PTPRO: variants seen among roughly 807,000 people sequenced by gnomAD.
PTPRO encodes protein tyrosine phosphatase receptor type O.
In PTPRO, 62 loss-of-function variants were observed where a neutral mutation model predicts 145.2. That is an observed-to-expected ratio of 0.43 (90% CI 0.35 to 0.53). PTPRO has a LOEUF of 0.53. Ranked by LOEUF, PTPRO falls within the 20% of genes least tolerant of loss-of-function variation. The probability of loss-of-function intolerance (pLI) is 0.01; values close to 1 mark genes in which losing one functional copy is unlikely to be tolerated. For synonymous variants in PTPRO, 565 were observed against 514.7 expected, an observed-to-expected ratio of 1.10 and a Z score of -1.32; for missense variants, 1,345 against 1,482.7, an observed-to-expected ratio of 0.91 and a Z score of 1.53.
chr12:15,484,062 T>C lies in PTPRO; in HGVS notation c.164T>C (p.Val55Ala), dbSNP rs778585840. ...TCAGACGTCATCAGTCCAGCATCTG[T>C]GTATGTTGTGAAGATAACTGGTGAA... Reference protein sequence around the residue: ...EASDVISPASVYVVKITGESK... With the variant: ...EASDVISPASAYVVKITGESK... The change falls in exon 2 of 27, where the codon GTG becomes GCG. Residue 55 changes from valine to alanine, a missense_variant. Transcript: ENST00000281171. 1.2e-6 allele frequency: 2 copies of C among 1,613,836 alleles called. No homozygotes were observed. Among genetic ancestry groups the C allele is most frequent in the Admixed American group, 3.3e-5 (2 of 59,978 alleles).
chr12:15,421,844 T>C (rs1183785517), intron 1 of PTPRO, among the ~76,000 whole-genome samples: 1 of 152,202 alleles, frequency 6.6e-6, no homozygotes, highest in African/African-American at 2.4e-5. Context: ...CTGTGTGATC[T>C]TGGGCAAGTT....
Position 15,360,892 on chromosome 12 carries a change from G to GCACACA in PTPRO, c.75+38091_75+38092insCACACA, listed in dbSNP as rs1565585737. On this transcript the variant is annotated intron_variant, in intron 1 of 26. Coordinates refer to ENST00000281171, the MANE Select transcript of PTPRO (RefSeq NM_030667.3). ...TGTGTATATACACACATACACATGT[G>GCACACA]TATATACACACACATATATACACAC... Among the ~76,000 whole-genome samples the GCACACA allele has an allele frequency of 9.4e-5, 12 of 127,460 alleles. No individual in the cohort carries two copies. In the East Asian group the frequency reaches 2.7e-3, roughly 29 times the overall value. The allele number at this position is 127,460 out of a possible 152,430, so 83.6% of individuals were successfully genotyped here.
intron 19 of PTPRO, among the ~76,000 whole-genome samples, chr12:15,577,566 C>G (rs1290192957): frequency 6.6e-6 from 1 of 152,138 alleles, no homozygotes; most frequent in Non-Finnish European, 1.5e-5. Context: ...GCTTTGATTC[C>G]TTGAAGTAAT....
chr12:15,516,835 C>T lies in PTPRO; in HGVS notation c.1658C>T (p.Pro553Leu), dbSNP rs1245101906. 1.2e-6 allele frequency: 2 copies of T among 1,612,176 alleles called. No individual in the cohort carries two copies. The highest frequency in any genetic ancestry group is 1.7e-6 in the Non-Finnish European group (2 of 1,178,340). The part of the protein sequence containing the change: ...PTAVVLSWTR[P>L]YLGVFRKYVV... ...GCCGTGGTTCTGAGCTGGACCAGAC[C>T]TTATTTAGGCGTGTTCAGAAAATAC... Residue 553 changes from proline (P) to leucine (L), a missense_variant, in exon 9 of 27, where the codon CCT (proline) becomes CTT (leucine). Physicochemically the swap from Pro to Leu is moderately conservative, Grantham distance 98. Transcript: ENST00000281171.
In PTPRO at chr12:15,596,556, G is replaced by C. The variant is rs1430806721; in HGVS notation, c.*483G>C. 1.3e-5 allele frequency: 2 copies of C among 152,574 alleles called. No individual in the cohort carries two copies. The highest frequency in any genetic ancestry group is 4.8e-5 in the African/African-American group (2 of 41,432). 9.5% of individuals were successfully genotyped at this position (152,574 alleles called of 1,614,324 possible). ...AGATTATACCTCATTATTAAAAGGA[G>C]GCATGGCCACACATGAAGAAATGGT... On this transcript the variant is annotated 3_prime_UTR_variant, in exon 27 of 27. Coordinates refer to ENST00000281171, the MANE Select transcript of PTPRO (RefSeq NM_030667.3).
chr12:15,527,717 A>G (rs1285733426), intron 12 of PTPRO, among the ~76,000 whole-genome samples: 2 of 152,258 alleles, frequency 1.3e-5, no homozygotes, highest in East Asian at 1.9e-4. Context: ...GCTGAAATGT[A>G]GGCAGTGATC....
intron 1 of PTPRO, among the ~76,000 whole-genome samples, chr12:15,401,744 T>C (rs996121809): frequency 6.6e-6 from 1 of 152,226 alleles, no homozygotes. Context: ...TTAGACACAG[T>C]CTACAGAGTT....
chr12:15,484,176 A>T lies in PTPRO; in HGVS notation c.278A>T (p.Tyr93Phe). The change falls in exon 2 of 27, where the codon TAT (tyrosine) becomes TTT (phenylalanine). Residue 93 changes from tyrosine (Y) to phenylalanine (F), a missense_variant. Around this residue, in one of 3 missense-constraint regions of PTPRO, gnomAD observed 1,130 missense variants for 1,214.7 expected, o/e 0.93. Transcript: ENST00000281171. ...IFKASYHGLY[Y>F]IITLVVVNGN... Reference sequence around the variant, plus strand: ...AAGGCCAGTTATCATGGCCTTTATTATATAATCACTCTGGTAGTGGTAAAT... The same window carrying T: ...AAGGCCAGTTATCATGGCCTTTATTTTATAATCACTCTGGTAGTGGTAAAT... The T allele has an allele frequency of 6.2e-7, 1 of 1,613,630 alleles. No homozygotes were observed. The highest frequency in any genetic ancestry group is 8.5e-7 in the Non-Finnish European group (1 of 1,179,716).
At chr12:15,480,568 C>T (rs1467603414) in intron 1 of PTPRO, among the ~76,000 whole-genome samples, 1 of 152,080 alleles carries the variant, frequency 6.6e-6, no homozygotes, top group African/African-American at 2.4e-5. Flanking sequence ...AGGACCCCCT[C>T]CTTTTCAGGA....
At chr12:15,354,647 G>C (rs1392838064) in intron 1 of PTPRO, among the ~76,000 whole-genome samples, 1 of 152,008 alleles carries the variant, frequency 6.6e-6, no homozygotes, top group Admixed American at 6.6e-5. Context: ...CTACTTTAAG[G>C]TGTGCATTTG....
At chr12:15,425,215 A>G (rs1423399306) in intron 1 of PTPRO, among the ~76,000 whole-genome samples, 1 of 152,164 alleles carries the variant, frequency 6.6e-6, no homozygotes, top group African/African-American at 2.4e-5. Flanking sequence ...CCCATACACA[A>G]GGTTTATTTT....
chr12:15,429,084 G>A (rs1285949615), intron 1 of PTPRO, among the ~76,000 whole-genome samples: 1 of 152,074 alleles, frequency 6.6e-6, no homozygotes, highest in Non-Finnish European at 1.5e-5. Context: ...TGAAGACAAC[G>A]AAGAAAACAA....
intron 10 of PTPRO, 21 bp from the exon 11 acceptor site, chr12:15,524,793 T>A (rs1381925969): frequency 6.2e-7 from 1 of 1,603,192 alleles, no homozygotes; most frequent in East Asian, 2.2e-5. Flanking sequence ...TACTAAATTG[T>A]GCCTCGTTTC....
chr12:15,519,156 A>T (rs1348234402), intron 9 of PTPRO, among the ~76,000 whole-genome samples: 2 of 152,216 alleles, frequency 1.3e-5, no homozygotes, highest in African/African-American at 4.8e-5. Flanking sequence ...GGAGCAAGCC[A>T]TGTCTTACAT....
intron 2 of PTPRO, among the ~76,000 whole-genome samples, chr12:15,493,586 C>A (rs1019970949): frequency 6.6e-6 from 1 of 151,988 alleles, no homozygotes; most frequent in Non-Finnish European, 1.5e-5. Context: ...GAAATTAAAA[C>A]AAAGAGATAA....
At chr12:15,547,786 T>C (rs1591714404) in intron 13 of PTPRO, among the ~76,000 whole-genome samples, 2 of 152,212 alleles carry the variant, frequency 1.3e-5, no homozygotes, top group Admixed American at 1.3e-4. Flanking sequence ...CAAAAGTCTT[T>C]CCTTAGAATA....
chr12:15,349,189 G>A (rs1937707857), intron 1 of PTPRO, among the ~76,000 whole-genome samples: 1 of 152,106 alleles, frequency 6.6e-6, no homozygotes, highest in Non-Finnish European at 1.5e-5. Context: ...TATTTGGAGT[G>A]GGATCAGGGA....
chr12:15,453,440 C>CA (rs1461120031), intron 1 of PTPRO, among the ~76,000 whole-genome samples: 1 of 152,160 alleles, frequency 6.6e-6, no homozygotes, highest in African/African-American at 2.4e-5. Context: ...TCAGTTTCCT[C>CA]AGTGCTAGTA....
chr12:15,453,843 T>C (rs1256045412), intron 1 of PTPRO, among the ~76,000 whole-genome samples: 1 of 152,328 alleles, frequency 6.6e-6, no homozygotes, highest in South Asian at 2.1e-4. Flanking sequence ...TGTCCTTCTA[T>C]GACTGGCTTA....
Sources: gnomAD v4.1 joint callset for allele counts (sites outside exome capture counted in the v4.1 genomes callset) on GRCh38, gnomAD v4.1.1 for gene constraint, gnomAD v4.1.1 regional missense constraint, MANE v1.5 for transcripts, NCBI Gene and HGNC (gene_info 2026-07-23, HGNC 2026-07-21) for gene names.